The following SPIRE2 variants were observed in gnomAD, a reference collection of about 807,000 sequenced individuals.
SPIRE2 encodes the protein spire type actin nucleation factor 2, also known as protein spire homolog 2.
Under a neutral mutation model 80.7 loss-of-function variants are expected in SPIRE2, and 76 were observed. The ratio of observed to expected loss-of-function variants is 0.94; its 90% CI spans 0.78 to 1.14. The LOEUF (loss-of-function observed/expected upper bound fraction) is 1.14. Among genes scored for constraint, SPIRE2 ranks in the 50% most tolerant of loss-of-function variants. SPIRE2 has a pLI of 0.00. For missense variants in SPIRE2, 1,196 were observed against 1,015.3 expected (o/e 1.18, Z -2.42); for synonymous variants, 535 against 432.6 (o/e 1.24, Z -2.94).
At chr16:89,856,313 C>G in intron 7 of SPIRE2, 77 bp downstream of exon 7, 79 of 1,465,908 alleles carry the variant, frequency 5.4e-5, no homozygotes, top group Non-Finnish European at 7.1e-5. Flanking sequence ...TCAGGTTGCA[C>G]ATTGGAAGGT....
At chr16:89,831,694 G>T (rs560515810) in intron 1 of SPIRE2, among the ~76,000 whole-genome samples, 2 of 151,354 alleles carry the variant, frequency 1.3e-5, no homozygotes, top group South Asian at 4.1e-4. Context: ...ACCACGCCTG[G>T]CCTGGATGCT....
At chr16:89,856,936 C>T (rs2041696511) in intron 7 of SPIRE2, among the ~76,000 whole-genome samples, 1 of 151,580 alleles carries the variant, frequency 6.6e-6, no homozygotes, top group African/African-American at 2.4e-5. Flanking sequence ...TGTGGTGGCA[C>T]ATGGCTGTAA....
At chr16:89,839,361 G>C (rs1039696730) in intron 1 of SPIRE2, among the ~76,000 whole-genome samples, 6 of 130,682 alleles carry the variant, frequency 4.6e-5, no homozygotes, top group Non-Finnish European at 9.4e-5. Context: ...GCGACAGAGC[G>C]AGACTCCATC....
At chr16:89,830,138 G>A (rs2041365278) in intron 1 of SPIRE2, among the ~76,000 whole-genome samples, 1 of 151,208 alleles carries the variant, frequency 6.6e-6, no homozygotes, top group Non-Finnish European at 1.5e-5. Flanking sequence ...CTAGCTGTGC[G>A]GGAGCCCAGC....
chr16:89,869,053 A>AAACAAACATATATATATGTATAT, intron 13 of SPIRE2, among the ~76,000 whole-genome samples: 1 of 24,036 alleles, frequency 4.2e-5, no homozygotes, highest in African/African-American at 1.6e-4. Flanking sequence ...AAAAAAAAAA[A>AAACAAACATATATATATGTATAT]ATATATATAT....
At chr16:89,838,270 C>T (rs1023484815) in intron 1 of SPIRE2, among the ~76,000 whole-genome samples, 3 of 151,474 alleles carry the variant, frequency 2.0e-5, no homozygotes, top group Admixed American at 6.6e-5. Context: ...GCAAACTCCA[C>T]CTCCTAGGTT....
intron 7 of SPIRE2, 22 bp downstream of exon 7, chr16:89,856,258 G>A (rs1231992134): frequency 1.9e-6 from 3 of 1,554,428 alleles, no homozygotes; most frequent in African/African-American, 1.4e-5. Context: ...GATGGCAGGA[G>A]AAGAGAGCCC....
At chr16:89,845,617 C>G (rs1329471430) in intron 2 of SPIRE2, 1 of 702,210 alleles carries the variant, frequency 1.4e-6, no homozygotes, top group Non-Finnish European at 2.6e-6. Context: ...GTGTTACTTC[C>G]TTCCACAGCT....
At chr16:89,838,781 G>T (rs2041475286) in intron 1 of SPIRE2, among the ~76,000 whole-genome samples, 1 of 152,196 alleles carries the variant, frequency 6.6e-6, no homozygotes, top group Non-Finnish European at 1.5e-5. Context: ...TGTGCAGCAG[G>T]CAGGTGGCTC....
intron 2 of SPIRE2, among the ~76,000 whole-genome samples, chr16:89,847,940 G>T (rs912720154): frequency 1.3e-5 from 2 of 152,202 alleles, no homozygotes; most frequent in African/African-American, 4.8e-5. Context: ...GCTGGGTGCT[G>T]CTGTGGACCG....
intron 2 of SPIRE2, chr16:89,845,584 C>T (rs1567671953): frequency 4.3e-6 from 3 of 703,482 alleles, no homozygotes; most frequent in Non-Finnish European, 7.8e-6. Flanking sequence ...CCCCGTGGTG[C>T]TTCCGGCCTG....
At chr16:89,830,492 G>A (rs182849044) in intron 1 of SPIRE2, among the ~76,000 whole-genome samples, 1 of 151,412 alleles carries the variant, frequency 6.6e-6, no homozygotes, top group Non-Finnish European at 1.5e-5. Flanking sequence ...AGTCAGCTGA[G>A]ACATCAGGCC....
chr16:89,830,187 A>G (rs938979031), intron 1 of SPIRE2, among the ~76,000 whole-genome samples: 3 of 151,088 alleles, frequency 2.0e-5, no homozygotes, highest in African/African-American at 7.3e-5. Context: ...GCGTCCTCAG[A>G]GCAGTGATCT....
chr16:89,829,548 C>G (rs893419620), intron 1 of SPIRE2, among the ~76,000 whole-genome samples: 1 of 152,230 alleles, frequency 6.6e-6, no homozygotes, highest in African/African-American at 2.4e-5. Context: ...GCCGCACTCT[C>G]TCCAGGCCTG....
intron 3 of SPIRE2, among the ~76,000 whole-genome samples, chr16:89,852,748 G>C (rs1283381624): frequency 6.0e-5 from 3 of 50,212 alleles, no homozygotes; most frequent in South Asian, 1.5e-3. Context: ...CCCATGGCCC[G>C]TCTTCCGTCC....
At chr16:89,854,453 G>A (rs1415005419) in intron 4 of SPIRE2, 34 bp from the exon 5 acceptor site, 2 of 1,610,946 alleles carry the variant, frequency 1.2e-6, no homozygotes. Context: ...GCTTCACCTG[G>A]GGCTGAGACC....
intron 1 of SPIRE2, among the ~76,000 whole-genome samples, chr16:89,836,696 C>G (rs896555514): frequency 7.9e-5 from 12 of 151,882 alleles, no homozygotes; most frequent in Non-Finnish European, 1.6e-4. Context: ...AAAATATCCC[C>G]CGGCCGGGGG....
intron 1 of SPIRE2, among the ~76,000 whole-genome samples, chr16:89,830,520 T>C (rs1260540079): frequency 6.6e-6 from 1 of 151,238 alleles, no homozygotes; most frequent in African/African-American, 2.4e-5. Context: ...TCCTCAAAGG[T>C]GGCTAACCCA....
chr16:89,830,255 G>A lies in SPIRE2; in HGVS notation c.244+1461G>A, dbSNP rs1006962444. Among the ~76,000 whole-genome samples, 9 of 151,212 alleles carry A rather than the reference G, an allele frequency of 6.0e-5. 1 individual carries two copies. Among genetic ancestry groups the A allele is most frequent in the African/African-American group, 1.7e-4 (7 of 41,322 alleles). Reference sequence around the variant, plus strand: ...GCCCCTTCCTGGTCCTCACAGCCCCGGCAGCAGTTCCTGGCTGGGGTTCAA... The same window carrying A: ...GCCCCTTCCTGGTCCTCACAGCCCCAGCAGCAGTTCCTGGCTGGGGTTCAA... On this transcript the variant is annotated intron_variant, in intron 1 of 14. Coordinates refer to ENST00000378247, the MANE Select transcript of SPIRE2 (RefSeq NM_032451.2).
Sources: allele counts gnomAD v4.1 joint callset (sites outside exome capture counted in the v4.1 genomes callset), GRCh38; gene constraint gnomAD v4.1.1; transcripts MANE v1.5; gene names NCBI Gene and HGNC (gene_info 2026-07-23, HGNC 2026-07-21).